Variants in LAMA2 observed in about 807,000 individuals in gnomAD.
The protein encoded by LAMA2 is laminin subunit alpha 2.
A neutral mutation model predicts 364.8 loss-of-function variants in LAMA2; 269 were observed. The observed-to-expected ratio is 0.74, with a 90% CI of 0.67 to 0.82. LAMA2 has a LOEUF of 0.82. Ranked by LOEUF, LAMA2 falls within the 40% of genes least tolerant of loss-of-function variation. The probability of loss-of-function intolerance (pLI) is 0.00; values close to 1 mark genes in which losing one functional copy is unlikely to be tolerated. For synonymous variants in LAMA2, 1,379 were observed against 1,370.6 expected, an observed-to-expected ratio of 1.01 and a Z score of -0.14; for missense variants, 3,807 against 3,873.2, an observed-to-expected ratio of 0.98 and a Z score of 0.45.
At chr6:128,936,179 T>C (rs1288831511) in intron 1 of LAMA2, among the ~76,000 whole-genome samples, 1 of 152,222 alleles carries the variant, frequency 6.6e-6, no homozygotes, top group African/African-American at 2.4e-5. Context: ...TAAAACTTTT[T>C]CCTTTATAAA....
In LAMA2 at chr6:129,279,575, G is replaced by A. The variant is rs368667774; in HGVS notation, c.2451-486G>A. 1.3e-4 allele frequency among the ~76,000 whole-genome samples: 20 copies of A among 152,158 alleles called. No homozygotes were observed. The East Asian group carries it at 2.7e-3, about 21-fold the overall frequency. ...GCATACCTGCAAGGAAGCACATGCC[G>A]CAGCCTGCACACAGGCACGCCCCAC... On this transcript the variant is annotated intron_variant, in intron 17 of 64. Transcript: ENST00000421865.
intron 1 of LAMA2, among the ~76,000 whole-genome samples, chr6:128,883,632 A>T (rs1775954554): frequency 6.6e-6 from 1 of 152,074 alleles, no homozygotes; most frequent in African/African-American, 2.4e-5. Context: ...CATCCCGTAA[A>T]TTGATTTCTG....
intron 4 of LAMA2, among the ~76,000 whole-genome samples, 190 bp from the exon 5 acceptor site, chr6:129,143,711 G>A (rs1778259065): frequency 6.6e-6 from 1 of 151,964 alleles, no homozygotes; most frequent in South Asian, 2.1e-4. Flanking sequence ...CAAATTGCAT[G>A]TACATGTATT....
chr6:128,938,910 C>G (rs1779996139), intron 1 of LAMA2, among the ~76,000 whole-genome samples: 1 of 152,164 alleles, frequency 6.6e-6, no homozygotes, highest in African/African-American at 2.4e-5. Flanking sequence ...TGACTTCACT[C>G]ATTTCCCTCC....
intron 37 of LAMA2, among the ~76,000 whole-genome samples, chr6:129,393,976 T>C (rs1380146194): frequency 6.6e-6 from 1 of 152,232 alleles, no homozygotes; most frequent in Admixed American, 6.5e-5. Context: ...ACTCAAGAAA[T>C]TATGGGCAGC....
At chr6:128,914,331 G>A (rs530205700) in intron 1 of LAMA2, among the ~76,000 whole-genome samples, 4 of 152,246 alleles carry the variant, frequency 2.6e-5, no homozygotes, top group African/African-American at 9.6e-5. Context: ...GTAGGTGAAT[G>A]TAATTTTGCA....
intron 4 of LAMA2, among the ~76,000 whole-genome samples, chr6:129,112,364 T>A (rs1048557579): frequency 9.9e-5 from 15 of 152,006 alleles, no homozygotes; most frequent in African/African-American, 3.6e-4. Context: ...ATTTATCTCA[T>A]AGAAAGATAA....
At position 129,326,798 on chromosome 6, in the gene LAMA2, AAT is replaced by A. The variant is rs1775334514; in HGVS notation, c.4177-1471_4177-1470del. On this transcript the variant is annotated intron_variant, in intron 28 of 64. Coordinates refer to ENST00000421865, the MANE Select transcript of LAMA2 (RefSeq NM_000426.4). ...ATTTATATATTATATATATATAATT[AAT>A]ATATATATTCAAGGATGAAATCCAT... is the stretch of plus-strand genomic sequence containing the variant. Among the ~76,000 whole-genome samples, 4 of 133,414 alleles carry A rather than the reference AAT, an allele frequency of 3.0e-5. No homozygotes were observed. The South Asian group carries it at 9.7e-4, about 32-fold the overall frequency. 87.5% of individuals were successfully genotyped at this position (133,414 alleles called of 152,430 possible).
chr6:129,273,310 C>T (rs1788071242), intron 17 of LAMA2, among the ~76,000 whole-genome samples: 1 of 152,108 alleles, frequency 6.6e-6, no homozygotes, highest in African/African-American at 2.4e-5. Flanking sequence ...ACTCATTGTT[C>T]ACGACTAACT....
chr6:129,325,501 T>C (rs1439422283), intron 28 of LAMA2, among the ~76,000 whole-genome samples: 1 of 151,692 alleles, frequency 6.6e-6, no homozygotes, highest in Non-Finnish European at 1.5e-5. Context: ...GAAAGAATAG[T>C]GCAAAATAAT....
chr6:129,111,926 T>C (rs1211643362), intron 4 of LAMA2, among the ~76,000 whole-genome samples: 1 of 152,016 alleles, frequency 6.6e-6, no homozygotes, highest in East Asian at 1.9e-4. Flanking sequence ...TTACCAGTAG[T>C]AAGTTTGGGA....
chr6:129,155,236 C>T (rs1779038852), intron 8 of LAMA2, among the ~76,000 whole-genome samples: 1 of 152,104 alleles, frequency 6.6e-6, no homozygotes, highest in South Asian at 2.1e-4. Context: ...TTTTTATTTA[C>T]CTTGTGTAAA....
intron 13 of LAMA2, 77 bp from the exon 14 acceptor site, chr6:129,252,007 A>C: frequency 1.1e-6 from 1 of 887,728 alleles, no homozygotes; most frequent in Non-Finnish European, 1.8e-6. Context: ...TGGAGGATAC[A>C]AATATAGATA....
chr6:129,409,413 C>T (rs1001607685), intron 40 of LAMA2, among the ~76,000 whole-genome samples: 3 of 152,152 alleles, frequency 2.0e-5, no homozygotes, highest in African/African-American at 7.2e-5. Context: ...TGACTTGTGC[C>T]TTTAGGACTG....
intron 12 of LAMA2, among the ~76,000 whole-genome samples, chr6:129,218,020 G>A (rs1261683510): frequency 1.3e-5 from 2 of 151,926 alleles, no homozygotes; most frequent in African/African-American, 2.4e-5. Flanking sequence ...TTGCCATAGG[G>A]GTCATGACAT....
At chr6:129,330,368 T>TGCCCCCTCTCC (rs1775557270) in intron 29 of LAMA2, among the ~76,000 whole-genome samples, 1 of 151,866 alleles carries the variant, frequency 6.6e-6, no homozygotes, top group Non-Finnish European at 1.5e-5. Context: ...CTTCCCTCTA[T>TGCCCCCTCTCC]GTGCCCCCTC....
rs1406230461 is a variant in LAMA2, at chr6:129,452,983, T to C, written c.6430-5T>C. 3.7e-6 allele frequency: 6 copies of C among 1,611,586 alleles called. No homozygotes were observed. Among genetic ancestry groups the C allele is most frequent in the Non-Finnish European group, 5.1e-6 (6 of 1,178,518 alleles). ...TTGGTTCTTTGTATCTTGTTTTTTT[T>C]AAAGATCAAAGTATCTGTGTCTTCA... On this transcript the variant is annotated splice_polypyrimidine_tract_variant and splice_region_variant and intron_variant, in intron 45 of 64. Transcript: ENST00000421865.
At chr6:129,379,185 A>G (rs1445367195) in intron 34 of LAMA2, among the ~76,000 whole-genome samples, 1 of 152,160 alleles carries the variant, frequency 6.6e-6, no homozygotes, top group African/African-American at 2.4e-5. Context: ...GAAGGGAACA[A>G]TGTTCACTGG....
At chr6:129,206,106 GAGGAAGGA>G (rs71028149) in intron 12 of LAMA2, among the ~76,000 whole-genome samples, 11,522 of 94,100 alleles carry the variant, frequency 0.12, 778 homozygotes, top group African/African-American at 0.19. Flanking sequence ...GGGAGGGAGG[GAGGAAGGA>G]AGGAAGGAAG....
Sources: gnomAD v4.1 joint callset for allele counts (sites outside exome capture counted in the v4.1 genomes callset) on GRCh38, gnomAD v4.1.1 for gene constraint, MANE v1.5 for transcripts, NCBI Gene and HGNC (gene_info 2026-07-23, HGNC 2026-07-21) for gene names.